Variants in THSD7B observed in about 807,000 individuals in gnomAD.
The protein encoded by THSD7B is thrombospondin type 1 domain containing 7B.
In THSD7B, 138 loss-of-function variants were observed where a neutral mutation model predicts 213.6. The ratio of observed to expected loss-of-function variants is 0.65; its 90% confidence interval spans 0.56 to 0.74. The LOEUF is 0.74. Among genes scored for constraint, THSD7B ranks in the 30% least tolerant of loss-of-function variants. The probability of loss-of-function intolerance (pLI) is 0.00; values close to 1 mark genes in which losing one functional copy is unlikely to be tolerated. For synonymous variants in THSD7B, 742 were observed against 687.0 expected, an observed-to-expected ratio of 1.08 and a Z score of -1.25; for missense variants, 1,931 against 1,991.5, an observed-to-expected ratio of 0.97 and a Z score of 0.58.
intron 5 of THSD7B, among the ~76,000 whole-genome samples, chr2:137,130,872 A>G (rs1458260169): frequency 6.7e-6 from 1 of 148,626 alleles, no homozygotes; most frequent in Non-Finnish European, 1.5e-5. Context: ...AGCATGATTT[A>G]TAGTCCTTTG....
At chr2:137,040,094 G>A (rs1053384169) in intron 2 of THSD7B, among the ~76,000 whole-genome samples, 4 of 152,186 alleles carry the variant, frequency 2.6e-5, no homozygotes, top group African/African-American at 9.6e-5. Flanking sequence ...TGGCAGCACT[G>A]TGAGCAATGC....
chr2:136,964,322 G>A (rs1167575292), intron 2 of THSD7B, among the ~76,000 whole-genome samples: 1 of 152,140 alleles, frequency 6.6e-6, no homozygotes, highest in African/African-American at 2.4e-5. Context: ...CTACTTAAGA[G>A]GCTGAGGCAG....
intron 14 of THSD7B, among the ~76,000 whole-genome samples, chr2:137,438,653 T>C (rs1687339452): frequency 1.3e-5 from 2 of 152,186 alleles, no homozygotes; most frequent in South Asian, 4.1e-4. Flanking sequence ...TTTAGGCAGC[T>C]CACGTTGAGG....
intron 2 of THSD7B, among the ~76,000 whole-genome samples, chr2:136,945,758 G>A (rs1392484591): frequency 6.6e-6 from 1 of 151,972 alleles, no homozygotes; most frequent in Non-Finnish European, 1.5e-5. Context: ...CCACTTGATC[G>A]AATTGGCTAT....
At chr2:137,312,773 T>C (rs1356206547) in intron 12 of THSD7B, among the ~76,000 whole-genome samples, 1 of 151,312 alleles carries the variant, frequency 6.6e-6, no homozygotes, top group African/African-American at 2.4e-5. Context: ...TACCCAGTAG[T>C]CATTCAGGAG....
intron 20 of THSD7B, among the ~76,000 whole-genome samples, chr2:137,623,607 A>C (rs2104845295): frequency 6.6e-6 from 1 of 152,356 alleles, no homozygotes; most frequent in South Asian, 2.1e-4. Context: ...AATCTCCTTA[A>C]GCTGATAAGC....
chr2:136,765,989 A>G (rs1448655039), intron 1 of THSD7B, among the ~76,000 whole-genome samples: 1 of 152,174 alleles, frequency 6.6e-6, no homozygotes, highest in East Asian at 1.9e-4. Flanking sequence ...ACCTCATGCA[A>G]CGGGACCGAA....
chr2:136,890,456 TCTTCTC>T (rs1558840205), intron 2 of THSD7B, among the ~76,000 whole-genome samples: 125 of 1,142 alleles, frequency 0.11, 52 homozygotes, highest in South Asian at 1. Context: ...TTCTTCTTCT[TCTTCTC>T]CTTTCTTCTC....
chr2:136,824,083 A>G (rs530442630), intron 1 of THSD7B, among the ~76,000 whole-genome samples: 31 of 152,302 alleles, frequency 2.0e-4, no homozygotes, highest in Non-Finnish European at 3.8e-4. Flanking sequence ...CATTTTACAG[A>G]TGAGGAAACT....
rs540974646 is a variant in THSD7B at position 137,026,184 on chromosome 2, C to T, written c.140-30236C>T. Among the ~76,000 whole-genome samples, 3 of 152,298 alleles carry T rather than the reference C, an allele frequency of 2.0e-5. No homozygotes were observed. The South Asian group carries it at 6.2e-4, about 32-fold the overall frequency. ...AGAGAAGGTAAGATTGAGAAACACA[C>T]ACACTCAGCAGTCCAGGGCCAGCGG... On this transcript the variant is annotated intron_variant, in intron 2 of 27. Coordinates refer to ENST00000409968, the MANE Select transcript of THSD7B (RefSeq NM_001316349.2).
chr2:137,193,395 A>G (rs950458371), intron 7 of THSD7B, among the ~76,000 whole-genome samples: 6 of 152,254 alleles, frequency 3.9e-5, no homozygotes, highest in Non-Finnish European at 7.3e-5. Flanking sequence ...ACTAGTTAAC[A>G]TATTCATCAC....
intron 14 of THSD7B, among the ~76,000 whole-genome samples, chr2:137,440,334 T>A (rs1351872393): frequency 6.6e-6 from 1 of 152,088 alleles, no homozygotes; most frequent in Non-Finnish European, 1.5e-5. Flanking sequence ...CTTTTGAAGA[T>A]TTCAGACTAG....
chr2:137,291,485 T>C (rs868161801), intron 12 of THSD7B, among the ~76,000 whole-genome samples: 2 of 152,136 alleles, frequency 1.3e-5, no homozygotes, highest in Non-Finnish European at 2.9e-5. Flanking sequence ...CATGTGCCCA[T>C]TATTGGAGGT....
chr2:137,555,453 C>A (rs1398873694), intron 15 of THSD7B, among the ~76,000 whole-genome samples: 3 of 152,208 alleles, frequency 2.0e-5, no homozygotes, highest in Non-Finnish European at 2.9e-5. Context: ...GGACCTCCAG[C>A]AAACTCCAAC....
At chr2:137,356,949 C>T (rs1156484553) in intron 12 of THSD7B, among the ~76,000 whole-genome samples, 2 of 75,586 alleles carry the variant, frequency 2.6e-5, no homozygotes, top group African/African-American at 4.4e-5. Context: ...CACACACATA[C>T]ACACACACAC....
At chr2:137,189,175 T>G (rs1680610278) in intron 7 of THSD7B, among the ~76,000 whole-genome samples, 1 of 152,164 alleles carries the variant, frequency 6.6e-6, no homozygotes, top group African/African-American at 2.4e-5. Context: ...TGGCTGCTGC[T>G]TTGTTAGGCA....
intron 4 of THSD7B, among the ~76,000 whole-genome samples, 184 bp from the exon 5 acceptor site, chr2:137,114,939 GT>G (rs372859990): frequency 1.9e-4 from 28 of 148,878 alleles, no homozygotes; most frequent in Admixed American, 2.7e-4. Flanking sequence ...GCTGCTGGAT[GT>G]TTTTTTTTTC....
chr2:136,776,042 G>A (rs1681596846), intron 1 of THSD7B, among the ~76,000 whole-genome samples: 1 of 152,062 alleles, frequency 6.6e-6, no homozygotes, highest in Non-Finnish European at 1.5e-5. Flanking sequence ...GCCCAGTCAA[G>A]GTGCACAATG....
intron 2 of THSD7B, among the ~76,000 whole-genome samples, chr2:136,963,645 C>T (rs1190293682): frequency 1.3e-5 from 2 of 152,114 alleles, no homozygotes; most frequent in East Asian, 1.9e-4. Flanking sequence ...GGCACTATCT[C>T]TAAAAAATAA....
Sources: gnomAD v4.1 joint callset for allele counts (sites outside exome capture counted in the v4.1 genomes callset) on GRCh38, gnomAD v4.1.1 for gene constraint, MANE v1.5 for transcripts, NCBI Gene and HGNC (gene_info 2026-07-23, HGNC 2026-07-21) for gene names.